Variants in TFAP2E observed in about 807,000 individuals in gnomAD.
The protein encoded by TFAP2E is transcription factor AP-2 epsilon.
In TFAP2E, 30 loss-of-function variants were observed where a neutral mutation model predicts 37.9. The observed-to-expected ratio is 0.79, with a 90% confidence interval of 0.59 to 1.07. The LOEUF is 1.07. Ranked by LOEUF, TFAP2E falls within the 50% of genes least tolerant of loss-of-function variation. The probability of loss-of-function intolerance (pLI) is 0.00; values close to 1 mark genes in which losing one functional copy is unlikely to be tolerated. For synonymous variants in TFAP2E, 318 were observed against 295.8 expected, an observed-to-expected ratio of 1.08 and a Z score of -0.77; for missense variants, 567 against 637.9, an observed-to-expected ratio of 0.89 and a Z score of 1.20.
intron 3 of TFAP2E, among the ~76,000 whole-genome samples, chr1:35,584,143 C>G (rs1033588948): frequency 6.6e-6 from 1 of 152,182 alleles, no homozygotes; most frequent in Non-Finnish European, 1.5e-5. Flanking sequence ...GCTCTGTCGT[C>G]CAGGCTGGAG....
Position 35,590,031 on chromosome 1 carries a change from T to A in TFAP2E, c.887T>A (p.Leu296Gln). 6.2e-7 allele frequency: 1 copy of A among 1,614,080 alleles called. No individual in the cohort carries two copies. The highest frequency in any genetic ancestry group is 8.5e-7 in the Non-Finnish European group (1 of 1,179,966). Residue 296 changes from leucine to glutamine, a missense_variant, in exon 5 of 7, where the codon CTG becomes CAG. Coordinates refer to ENST00000373235, the MANE Select transcript of TFAP2E (RefSeq NM_178548.4). This position sits in a 1 kb window ranked among gnomAD's most constrained non-coding sequence, Gnocchi z 6.2. ...GRRKAANVTL[L>Q]TSLVEGEAVH... ...CGCAAGGCCGCCAATGTGACGCTGC[T>A]GACTTCGCTAGTGGAAGGTGAGTGA...
chr1:35,594,257 G>A (rs1649765324), intron 6 of TFAP2E, 137 bp from the exon 7 acceptor site: 3 of 1,105,536 alleles, frequency 2.7e-6, no homozygotes, highest in Non-Finnish European at 2.5e-6. Flanking sequence ...GTAAAAAACA[G>A]TATGGTCATC....
chr1:35,579,031 G>A (rs1001279575), intron 3 of TFAP2E, among the ~76,000 whole-genome samples: 14 of 126,792 alleles, frequency 1.1e-4, no homozygotes, highest in East Asian at 2.6e-4. Context: ...GCAGTGAGCC[G>A]AGATCATGCC....
At position 35,573,343 on chromosome 1, in the gene TFAP2E, G is replaced by A. The variant is rs1269417456; in HGVS notation, c.-235G>A. Reference sequence around the variant, plus strand: ...GAGGAAGGGCGGGCGCTGGGCACCCGTTGACCGACTTTTCCAAGTGCGATC... The same window carrying A: ...GAGGAAGGGCGGGCGCTGGGCACCCATTGACCGACTTTTCCAAGTGCGATC... On this transcript the variant is annotated 5_prime_UTR_variant, in exon 1 of 7. Coordinates refer to ENST00000373235, the MANE Select transcript of TFAP2E (RefSeq NM_178548.4). The surrounding 1 kb of genome is among the most constrained non-coding windows in gnomAD (Gnocchi z 5.9). The A allele has an allele frequency of 2.2e-6, 1 of 461,954 alleles. No homozygotes were observed. The allele number at this position is 461,954 out of a possible 1,614,324, so 28.6% of individuals were successfully genotyped here. A position where few individuals can be genotyped will look rare whatever the true frequency, so the allele number is the denominator to read the frequency against.
Position 35,574,270 on chromosome 1 carries a change from T to C in TFAP2E, c.371T>C (p.Leu124Pro). 1.4e-6 allele frequency: 2 copies of C among 1,385,890 alleles called. No homozygotes were observed. Among genetic ancestry groups the C allele is most frequent in the Admixed American group, 2.9e-5 (1 of 34,478 alleles). 85.8% of individuals were successfully genotyped at this position (1,385,890 alleles called of 1,614,324 possible). A position where few individuals can be genotyped will look rare whatever the true frequency, so the allele number is the denominator to read the frequency against. Residue 124 changes from leucine (L) to proline (P), a missense_variant, in exon 2 of 7, where the codon CTG (leucine) becomes CCG (proline). Leu to Pro is a moderately conservative substitution (Grantham distance 98). Around this residue, in one of 3 missense-constraint regions of TFAP2E, gnomAD observed 312 missense variants for 317.4 expected, o/e 0.98. Transcript: ENST00000373235. The stretch of plus-strand genomic sequence containing the variant: ...CTGCTGGCACCGCCCGCCCGCGCCC[T>C]GGGCCTTGACCCGCGCCGTGACTAT... ...PGLLAPPARA[L>P]GLDPRRDYAT...
At chr1:35,575,079 C>G (rs553127439) in intron 3 of TFAP2E, 79 bp downstream of exon 3, 50 of 1,578,634 alleles carry the variant, frequency 3.2e-5, no homozygotes, top group Non-Finnish European at 4.0e-5. Flanking sequence ...CTTCACCGGC[C>G]GTGCCTCCTG....
Position 35,576,937 on chromosome 1 carries a change from C to T in TFAP2E, c.562+1937C>T, listed in dbSNP as rs189103356. The stretch of plus-strand genomic sequence containing the variant: ...GACTCACGTGCACAACCGCGGGACC[C>T]CAGCGCCAGCGGGACCCCAGCGCCA... On this transcript the variant is annotated intron_variant, in intron 3 of 6. Coordinates refer to ENST00000373235, the MANE Select transcript of TFAP2E (RefSeq NM_178548.4). 4.0e-4 allele frequency among the ~76,000 whole-genome samples: 28 copies of T among 69,736 alleles called. 1 individual carries two copies. Among genetic ancestry groups the T allele is most frequent in the South Asian group, 3.9e-3 (9 of 2,286 alleles). The allele number at this position is 69,736 out of a possible 152,430, so 45.7% of individuals were successfully genotyped here.
rs1340553406 is a variant in TFAP2E, at chr1:35,573,957, G to A, written c.58G>A (p.Gly20Ser). 4.9e-6 allele frequency: 7 copies of A among 1,437,984 alleles called. No homozygotes were observed. Among genetic ancestry groups the A allele is most frequent in the African/African-American group, 1.5e-5 (1 of 66,684 alleles). The allele number at this position is 1,437,984 out of a possible 1,614,324, so 89.1% of individuals were successfully genotyped here. The part of the protein sequence containing the change: ...ERPDGLGAAA[G>S]GARLSSLPQA... ...CCCCGACGGGCTGGGAGCAGCTGCC[G>A]GCGGGGCCCGCCTGTCGTCTCTGCC... The change falls in exon 2 of 7, where the codon GGC becomes AGC. Residue 20 changes from glycine to serine, a missense_variant. Coordinates refer to ENST00000373235, the MANE Select transcript of TFAP2E (RefSeq NM_178548.4). This position sits in a 1 kb window ranked among gnomAD's most constrained non-coding sequence, Gnocchi z 5.9.
chr1:35,574,554 C>A, intron 2 of TFAP2E, 145 bp downstream of exon 2: 1 of 1,312,202 alleles, frequency 7.6e-7, no homozygotes, highest in Non-Finnish European at 9.9e-7. Context: ...TGTGTCCCAC[C>A]TCCTGGGTTA....
intron 6 of TFAP2E, among the ~76,000 whole-genome samples, chr1:35,594,097 T>G (rs1649760970): frequency 6.6e-6 from 1 of 152,150 alleles, no homozygotes; most frequent in African/African-American, 2.4e-5. Context: ...GTTTCCTATA[T>G]AAGGTAGTAA....
chr1:35,592,240 G>C (rs1649706960), intron 6 of TFAP2E, among the ~76,000 whole-genome samples: 1 of 151,226 alleles, frequency 6.6e-6, no homozygotes, highest in Admixed American at 6.6e-5. Context: ...AGCCATGATT[G>C]CATCGCTGTA....
rs1320921345 is a variant in TFAP2E, at chr1:35,574,009, C to G, written c.110C>G (p.Pro37Arg). 2 of 1,489,034 alleles carry G rather than the reference C, an allele frequency of 1.3e-6. No homozygotes were observed. Among genetic ancestry groups the G allele is most frequent in the Admixed American group, 2.2e-5 (1 of 45,416 alleles). The allele number at this position is 1,489,034 out of a possible 1,614,324, so 92.2% of individuals were successfully genotyped here. The change falls in exon 2 of 7, where the codon CCG becomes CGG. Residue 37 changes from proline to arginine, a missense_variant. Physicochemically the swap from Pro to Arg is moderately radical, Grantham distance 103 (BLOSUM62 -2). Coordinates refer to ENST00000373235, the MANE Select transcript of TFAP2E (RefSeq NM_178548.4). ...CAGGCGGCCTACGGGCCGGCGCCCC[C>G]GCTCTGCCACACGCCGGCCGCCACA... ...LPQAAYGPAPPLCHTPAATAA... is the reference protein window; with the variant it reads ...LPQAAYGPAPRLCHTPAATAA...
In TFAP2E at chr1:35,574,283, G is replaced by A. The variant is rs1212530410; in HGVS notation, c.384G>A (p.Pro128=). The change falls in exon 2 of 7, where the codon CCG becomes CCA. Residue 128 remains proline, a synonymous_variant. Coordinates refer to ENST00000373235, the MANE Select transcript of TFAP2E (RefSeq NM_178548.4). ...APPARALGLD[P]RRDYATAVPR... ...CCGCCCGCGCCCTGGGCCTTGACCC[G>A]CGCCGTGACTATGCCACTGCCGTGC... The A allele has an allele frequency of 3.5e-6, 5 of 1,426,430 alleles. No individual in the cohort carries two copies. The highest frequency in any genetic ancestry group is 3.5e-5 in the East Asian group (1 of 28,562). 88.4% of individuals were successfully genotyped at this position (1,426,430 alleles called of 1,614,324 possible).
intron 3 of TFAP2E, among the ~76,000 whole-genome samples, chr1:35,582,875 G>A (rs1174736337): frequency 2.0e-5 from 3 of 151,508 alleles, no homozygotes; most frequent in Non-Finnish European, 4.4e-5. Flanking sequence ...CTTTGATGAA[G>A]TCCAGTTTAT....
chr1:35,594,432 A>C lies in TFAP2E; in HGVS notation c.1085A>C (p.Asp362Ala). The C allele has an allele frequency of 6.2e-7, 1 of 1,614,104 alleles. No individual in the cohort carries two copies. Among genetic ancestry groups the C allele is most frequent in the Non-Finnish European group, 8.5e-7 (1 of 1,180,020 alleles). The change falls in exon 7 of 7, where the codon GAC becomes GCC. Residue 362 changes from aspartate (D) to alanine (A), a missense_variant. Transcript: ENST00000373235. ...GAGTTTGCAGACTTGATGGCTCAGGACCGCTCACCGCTGGGCAACAGCCGC... is the reference window on the plus strand; with the variant it reads ...GAGTTTGCAGACTTGATGGCTCAGGCCCGCTCACCGCTGGGCAACAGCCGC... ...CKEFADLMAQ[D>A]RSPLGNSRPA...
At chr1:35,579,595 A>G (rs1197228445) in intron 3 of TFAP2E, among the ~76,000 whole-genome samples, 2 of 151,582 alleles carry the variant, frequency 1.3e-5, no homozygotes, top group Non-Finnish European at 2.9e-5. Flanking sequence ...TGGTTTCACC[A>G]TGTTGGCCAG....
Position 35,590,619 on chromosome 1 carries a change from C to A in TFAP2E, c.905-15C>A. The A allele has an allele frequency of 1.4e-6, 2 of 1,456,910 alleles. No individual in the cohort carries two copies. The highest frequency in any genetic ancestry group is 1.8e-6 in the Non-Finnish European group (2 of 1,092,030). The allele number at this position is 1,456,910 out of a possible 1,614,324, so 90.2% of individuals were successfully genotyped here. A position where few individuals can be genotyped will look rare whatever the true frequency, so the allele number is the denominator to read the frequency against. On this transcript the variant is annotated splice_polypyrimidine_tract_variant and intron_variant, in intron 5 of 6. Transcript: ENST00000373235. This position sits in a 1 kb window ranked among gnomAD's most constrained non-coding sequence, Gnocchi z 6.2. ...GAGGTACACCCTGCAGTAGTGACAG[C>A]TCCCCTCCCCCCAGGAGAGGCCGTG... is the stretch of plus-strand genomic sequence containing the variant.
At chr1:35,589,878 C>G (rs1301554259) in intron 4 of TFAP2E, 52 bp from the exon 5 acceptor site, 1 of 1,589,414 alleles carries the variant, frequency 6.3e-7, no homozygotes, top group Non-Finnish European at 8.6e-7. Flanking sequence ...AGCTTCCATG[C>G]GTTTCTCTTG....
chr1:35,586,300 T>G (rs1302596292), intron 3 of TFAP2E, among the ~76,000 whole-genome samples: 1 of 152,202 alleles, frequency 6.6e-6, no homozygotes, highest in East Asian at 1.9e-4. Flanking sequence ...CTTTAACCTC[T>G]TTGAACTTTC....
Sources: gnomAD v4.1 joint callset for allele counts (sites outside exome capture counted in the v4.1 genomes callset) on GRCh38, gnomAD v4.1.1 for gene constraint, gnomAD v4.1.1 regional missense constraint, Gnocchi (gnomAD v3.1) non-coding constraint, MANE v1.5 for transcripts, NCBI Gene and HGNC (gene_info 2026-07-23, HGNC 2026-07-21) for gene names.